ERG: variants seen among roughly 807,000 people sequenced by gnomAD.
ERG encodes the protein ETS transcription factor ERG.
In ERG, 9 loss-of-function variants were observed where a neutral mutation model predicts 55.3. The ratio of observed to expected loss-of-function variants is 0.16; its 90% CI spans 0.10 to 0.28. The LOEUF (loss-of-function observed/expected upper bound fraction) is 0.28. Ranked by LOEUF, ERG falls within the 10% of genes least tolerant of loss-of-function variation. The pLI is 1.00. For synonymous variants in ERG, 223 were observed against 237.3 expected, an observed-to-expected ratio of 0.94 and a Z score of 0.55; for missense variants, 434 against 631.6, an observed-to-expected ratio of 0.69 and a Z score of 3.35.
intron 1 of ERG, among the ~76,000 whole-genome samples, chr21:38,655,357 T>C (rs916421518): frequency 6.6e-6 from 1 of 152,086 alleles, no homozygotes; most frequent in Non-Finnish European, 1.5e-5. Flanking sequence ...CAGGGAGGTA[T>C]CCCGTGTTTC....
chr21:38,584,176 A>G (rs1201121791), intron 1 of ERG, among the ~76,000 whole-genome samples: 1 of 152,176 alleles, frequency 6.6e-6, no homozygotes, highest in East Asian at 1.9e-4. Context: ...AGGGACTCAT[A>G]CATTCTGCGG....
chr21:38,550,121 A>T (rs1395853134), intron 2 of ERG, among the ~76,000 whole-genome samples: 1 of 152,100 alleles, frequency 6.6e-6, no homozygotes, highest in Non-Finnish European at 1.5e-5. Flanking sequence ...GGGGTGCTTC[A>T]TCCAAGTACA....
At chr21:38,550,393 T>C (rs560039003) in intron 2 of ERG, among the ~76,000 whole-genome samples, 1 of 152,082 alleles carries the variant, frequency 6.6e-6, no homozygotes, top group African/African-American at 2.4e-5. Context: ...AATTCATGGG[T>C]TTAAATCCTT....
intron 1 of ERG, among the ~76,000 whole-genome samples, chr21:38,456,677 C>T (rs1322954232): frequency 2.6e-5 from 4 of 152,180 alleles, no homozygotes; most frequent in South Asian, 2.1e-4. Context: ...CGCTGACTTA[C>T]GTAGAAAGAG....
At chr21:38,586,077 T>C (rs547140838), upstream of ERG, among the ~76,000 whole-genome samples, 1 of 151,706 alleles carries the variant, frequency 6.6e-6, no homozygotes, top group African/African-American at 2.4e-5. Flanking sequence ...AAATAGGAGT[T>C]CTTATTTTCC....
chr21:38,551,999 C>T (rs4816598), intron 2 of ERG, among the ~76,000 whole-genome samples: 19,516 of 152,144 alleles, frequency 0.13, 1,321 homozygotes, highest in East Asian at 0.21. Context: ...GTCCCTAAAA[C>T]TTGATTTATG....
chr21:38,466,535 A>G (rs1447956117), intron 1 of ERG, among the ~76,000 whole-genome samples: 1 of 152,148 alleles, frequency 6.6e-6, no homozygotes, highest in Non-Finnish European at 1.5e-5. Context: ...TCGTGGGCTC[A>G]TGATCCTGGA....
At chr21:38,574,939 T>C (rs564076576) in intron 2 of ERG, among the ~76,000 whole-genome samples, 4 of 152,204 alleles carry the variant, frequency 2.6e-5, no homozygotes, top group African/African-American at 7.2e-5. Context: ...TTTATTTTTG[T>C]CAAATATATG....
chr21:38,482,365 G>C (rs1049847701), intron 1 of ERG, among the ~76,000 whole-genome samples: 2 of 152,192 alleles, frequency 1.3e-5, no homozygotes, highest in African/African-American at 4.8e-5. Flanking sequence ...ACAAGAAATA[G>C]TAAGTGTTGG....
intron 1 of ERG, among the ~76,000 whole-genome samples, chr21:38,647,705 T>C (rs971979742): frequency 4.6e-5 from 7 of 152,252 alleles, no homozygotes; most frequent in African/African-American, 1.7e-4. Context: ...ACAGAAATAC[T>C]AAGTTTTCTT....
chr21:38,613,880 G>A (rs1239790060), intron 1 of ERG, among the ~76,000 whole-genome samples: 1 of 152,112 alleles, frequency 6.6e-6, no homozygotes, highest in African/African-American at 2.4e-5. Flanking sequence ...CCCCTGCCCA[G>A]GTCCTGCTGA....
chr21:38,567,996 C>T (rs1034010270), intron 2 of ERG, among the ~76,000 whole-genome samples: 2 of 152,266 alleles, frequency 1.3e-5, no homozygotes, highest in African/African-American at 4.8e-5. Context: ...AAATATTTAG[C>T]GTTACTTCCA....
intron 2 of ERG, among the ~76,000 whole-genome samples, chr21:38,548,147 T>A (rs368498797): frequency 1.7e-3 from 259 of 152,268 alleles, no homozygotes; most frequent in African/African-American, 6.0e-3. Context: ...ATTGTACCCC[T>A]GTGCTGTTCA....
chr21:38,424,059 A>G (rs1989683252), intron 2 of ERG, among the ~76,000 whole-genome samples: 1 of 152,140 alleles, frequency 6.6e-6, no homozygotes. Context: ...TTGAAGCCCT[A>G]ACTCCCAATG....
At chr21:38,610,418 C>T (rs1460126843) in intron 1 of ERG, among the ~76,000 whole-genome samples, 1 of 152,256 alleles carries the variant, frequency 6.6e-6, no homozygotes, top group African/African-American at 2.4e-5. Context: ...AGAGCCCAGA[C>T]TCAGTCTCCC....
At chr21:38,426,045 G>A (rs1219452885) in intron 2 of ERG, among the ~76,000 whole-genome samples, 3 of 152,208 alleles carry the variant, frequency 2.0e-5, no homozygotes, top group Non-Finnish European at 2.9e-5. Context: ...TGCCATCTGC[G>A]GATGGAGGTT....
At chr21:38,546,252 C>T (rs2059787078) in intron 2 of ERG, among the ~76,000 whole-genome samples, 1 of 152,134 alleles carries the variant, frequency 6.6e-6, no homozygotes, top group Admixed American at 6.5e-5. Context: ...TCTTTTTTTA[C>T]TTCTTTTTAT....
At chr21:38,550,985 T>A (rs1472652243) in intron 2 of ERG, among the ~76,000 whole-genome samples, 1 of 152,250 alleles carries the variant, frequency 6.6e-6, no homozygotes, top group Non-Finnish European at 1.5e-5. Context: ...AACATTTTCA[T>A]ATCAGTTGGA....
chr21:38,407,620 T>C (rs936060561), intron 3 of ERG, among the ~76,000 whole-genome samples: 4 of 92,532 alleles, frequency 4.3e-5, no homozygotes, highest in Non-Finnish European at 8.0e-5. Context: ...AGCCAAAACA[T>C]GGTCTTACAA....
Sources: gnomAD v4.1 joint callset for allele counts (sites outside exome capture counted in the v4.1 genomes callset) on GRCh38, gnomAD v4.1.1 for gene constraint, MANE v1.5 for transcripts, NCBI Gene and HGNC (gene_info 2026-07-23, HGNC 2026-07-21) for gene names.